CENPF: variants seen among roughly 807,000 people sequenced by gnomAD.
CENPF encodes AH antigen.
A neutral mutation model predicts 307.3 loss-of-function variants in CENPF; 214 were observed. The observed-to-expected ratio is 0.70, with a 90% CI of 0.62 to 0.78. CENPF has a LOEUF of 0.78. Ranked by LOEUF, CENPF falls within the 30% of genes least tolerant of loss-of-function variation. The pLI, the probability that CENPF is intolerant of heterozygous loss-of-function variation, is 0.00. For synonymous variants in CENPF, 1,259 were observed against 1,270.6 expected, an observed-to-expected ratio of 0.99 and a Z score of 0.19; for missense variants, 3,401 against 3,483.9, an observed-to-expected ratio of 0.98 and a Z score of 0.60.
In CENPF at chr1:214,618,670, C is replaced by T; in HGVS notation, c.457C>T (p.Leu153=). ...ACCACAAAAAATTTTTACAACTCCA[C>T]TAACACCAAGTCAATATTATAGTGG... ...NTPQKIFTTP[L]TPSQYYSGSK... is the part of the protein sequence containing the mutation. The change falls in exon 4 of 20, where the codon CTA becomes TTA. Residue 153 remains leucine, a synonymous_variant. Transcript: ENST00000366955. 1 of 1,613,972 alleles carries T rather than the reference C, an allele frequency of 6.2e-7. No homozygotes were observed. The highest frequency in any genetic ancestry group is 8.5e-7 in the Non-Finnish European group (1 of 1,179,902).
At chr1:214,649,694 C>T (rs1368790396) in intron 14 of CENPF, among the ~76,000 whole-genome samples, 1 of 152,198 alleles carries the variant, frequency 6.6e-6, no homozygotes, top group East Asian at 1.9e-4. Context: ...GGCCATACTG[C>T]ATGGAAGGAG....
At chr1:214,632,435 G>C (rs1274012058) in intron 9 of CENPF, 45 bp from the exon 10 acceptor site, 1 of 1,590,934 alleles carries the variant, frequency 6.3e-7, no homozygotes, top group Non-Finnish European at 8.6e-7. Context: ...TAATGAAAAA[G>C]TAAAGAACAT....
chr1:214,663,695 C>A lies in CENPF; in HGVS notation c.9246C>A (p.Asp3082Glu). ...ATCTTCCTGAGAGAAGTCCGACTGA[C>A]AGCCCCAGAGAGGGCCTGAGGGTCA... ...VNNLPERSPTDSPREGLRVKR... is the reference protein window; with the variant it reads ...VNNLPERSPTESPREGLRVKR... Residue 3082 changes from aspartate to glutamate, a missense_variant, in exon 20 of 20, where the codon GAC becomes GAA. By Grantham distance (45) the Asp-to-Glu change is conservative (BLOSUM62 2). Transcript: ENST00000366955. 6.2e-7 allele frequency: 1 copy of A among 1,614,092 alleles called. No individual in the cohort carries two copies. Among genetic ancestry groups the A allele is most frequent in the Non-Finnish European group, 8.5e-7 (1 of 1,180,030 alleles).
intron 1 of CENPF, among the ~76,000 whole-genome samples, chr1:214,611,510 C>T (rs1657200042): frequency 6.6e-6 from 1 of 152,070 alleles, no homozygotes; most frequent in Non-Finnish European, 1.5e-5. Context: ...GGATTACAGG[C>T]GTCTGCCACC....
At chr1:214,629,350 T>A (rs532772888) in intron 8 of CENPF, among the ~76,000 whole-genome samples, 179 bp downstream of exon 8, 36 of 152,342 alleles carry the variant, frequency 2.4e-4, no homozygotes, top group African/African-American at 6.7e-4. Flanking sequence ...GCGCTTTTTT[T>A]AAATCTTTCA....
intron 15 of CENPF, 68 bp from the exon 16 acceptor site, chr1:214,652,760 C>CT: frequency 7.2e-7 from 1 of 1,396,680 alleles, no homozygotes; most frequent in Non-Finnish European, 9.7e-7. Context: ...GTTTTTCTGA[C>CT]TATTTTTTTT....
chr1:214,614,777 A>G, intron 2 of CENPF, 55 bp from the exon 3 acceptor site: 1 of 1,219,176 alleles, frequency 8.2e-7, no homozygotes, highest in Non-Finnish European at 1.1e-6. Context: ...TACCAATAAT[A>G]CTTGGTAAAT....
At chr1:214,653,144 TA>T (rs995646270) in intron 16 of CENPF, 155 bp downstream of exon 16, 20 of 713,874 alleles carry the variant, frequency 2.8e-5, no homozygotes, top group African/African-American at 1.6e-4. Flanking sequence ...GAGTTATCTT[TA>T]AAAAAAATCA....
chr1:214,636,584 A>T (rs1034864163), intron 10 of CENPF, among the ~76,000 whole-genome samples: 5 of 152,128 alleles, frequency 3.3e-5, no homozygotes, highest in Non-Finnish European at 7.3e-5. Context: ...TACTAGCCAG[A>T]TTCTCCCTCT....
At chr1:214,629,270 G>A in intron 8 of CENPF, 99 bp downstream of exon 8, 1 of 1,206,654 alleles carries the variant, frequency 8.3e-7, no homozygotes. Context: ...CACAATTTGG[G>A]AAATTCTCTT....
intron 7 of CENPF, among the ~76,000 whole-genome samples, chr1:214,625,467 C>T (rs1039655880): frequency 2.8e-4 from 43 of 152,098 alleles, no homozygotes; most frequent in Non-Finnish European, 4.4e-4. Context: ...GTAATCCACC[C>T]GCCTCAGCCT....
intron 7 of CENPF, among the ~76,000 whole-genome samples, chr1:214,626,309 C>T (rs578165092): frequency 6.6e-6 from 1 of 152,286 alleles, no homozygotes; most frequent in South Asian, 2.1e-4. Context: ...TTCTTCTCTC[C>T]ACCTTTCAAA....
Position 214,619,117 on chromosome 1 carries a change from G to T in CENPF, c.482-12G>T. On this transcript the variant is annotated splice_polypyrimidine_tract_variant and intron_variant, in intron 4 of 19. Coordinates refer to ENST00000366955, the MANE Select transcript of CENPF (RefSeq NM_016343.4). The stretch of plus-strand genomic sequence containing the variant: ...GACTGAAAGAAAACTGTATTTGATT[G>T]TCTGTTTCTAGGTTCCAAGTATGAA... 2 of 1,266,866 alleles carry T rather than the reference G, an allele frequency of 1.6e-6. No homozygotes were observed. Among genetic ancestry groups the T allele is most frequent in the South Asian group, 1.3e-5 (1 of 79,342 alleles). The allele number at this position is 1,266,866 out of a possible 1,614,324, so 78.5% of individuals were successfully genotyped here.
At chr1:214,615,577 G>A (rs576538110) in intron 3 of CENPF, among the ~76,000 whole-genome samples, 105 of 152,224 alleles carry the variant, frequency 6.9e-4, no homozygotes, top group Non-Finnish European at 9.9e-4. Context: ...TAGCATGGAG[G>A]GCCCAGTTGA....
At chr1:214,627,200 T>C (rs1469205411) in intron 7 of CENPF, among the ~76,000 whole-genome samples, 2 of 151,634 alleles carry the variant, frequency 1.3e-5, no homozygotes, top group African/African-American at 4.8e-5. Context: ...GCTGAGGCTA[T>C]AGGCGCCCAC....
rs545028450 is a variant in CENPF, at chr1:214,658,299, A to G, written c.8963-551A>G. 4.1e-3 allele frequency among the ~76,000 whole-genome samples: 630 copies of G among 152,322 alleles called. 1 individual carries two copies. The highest frequency in any genetic ancestry group is 6.3e-3 in the Non-Finnish European group (428 of 68,026). ...ATTGACTTTCTTTCCTGGGTCATCC[A>G]AAGTCATGTCACTTCCTTCTGTGGA... is the stretch of plus-strand genomic sequence containing the variant. On this transcript the variant is annotated intron_variant, in intron 18 of 19. Transcript: ENST00000366955.
At chr1:214,626,015 G>A (rs1402546321) in intron 7 of CENPF, among the ~76,000 whole-genome samples, 1 of 152,170 alleles carries the variant, frequency 6.6e-6, no homozygotes, top group Admixed American at 6.5e-5. Context: ...ATACGTGTGT[G>A]TGTATATATA....
chr1:214,640,110 CAG>C lies in CENPF; in HGVS notation c.1776_1777del (p.Lys593ArgfsTer17). The C allele has an allele frequency of 6.3e-7, 1 of 1,587,194 alleles. No individual in the cohort carries two copies. Among genetic ancestry groups the C allele is most frequent in the Non-Finnish European group, 8.5e-7 (1 of 1,173,058 alleles). ...CAACTTAATGATAAGTTAAGCAAGA[CAG>C]AGAAAGAGTCCAAAGCCTTGCTGAG... On this transcript the variant is annotated frameshift_variant, in exon 12 of 20. Coordinates refer to ENST00000366955, the MANE Select transcript of CENPF (RefSeq NM_016343.4). LOFTEE classifies it high-confidence loss of function.
intron 8 of CENPF, among the ~76,000 whole-genome samples, chr1:214,629,832 A>G (rs1657756227): frequency 6.6e-6 from 1 of 152,184 alleles, no homozygotes; most frequent in Non-Finnish European, 1.5e-5. Context: ...GATTACAGGC[A>G]TGAGCCACCA....
Sources: allele counts gnomAD v4.1 joint callset (sites outside exome capture counted in the v4.1 genomes callset), GRCh38; gene constraint gnomAD v4.1.1; transcripts MANE v1.5; gene names NCBI Gene and HGNC (gene_info 2026-07-23, HGNC 2026-07-21).